RBPJ: variants seen among roughly 807,000 people sequenced by gnomAD.
RBPJ encodes recombining binding protein suppressor of hairless.
RBPJ carries 9 observed loss-of-function variants against 67.8 expected under a neutral mutation model. The observed-to-expected ratio is 0.13, with a 90% CI of 0.08 to 0.23. RBPJ has a LOEUF of 0.23. Among genes scored for constraint, RBPJ ranks in the 10% least tolerant of loss-of-function variants. The probability of loss-of-function intolerance (pLI) is 1.00; values close to 1 mark genes in which losing one functional copy is unlikely to be tolerated. For synonymous variants in RBPJ, 198 were observed against 203.3 expected (o/e 0.97, Z 0.22); for missense variants, 305 against 595.6 (o/e 0.51, Z 5.08).
intron 1 of RBPJ, among the ~76,000 whole-genome samples, chr4:26,260,496 G>C (rs953593063): frequency 6.7e-6 from 1 of 149,972 alleles, no homozygotes; most frequent in African/African-American, 2.5e-5. Context: ...AAAAATTTTA[G>C]TTGACTGAGA....
chr4:26,377,736 T>C (rs1180871182), intron 1 of RBPJ, among the ~76,000 whole-genome samples: 4 of 152,224 alleles, frequency 2.6e-5, no homozygotes, highest in Non-Finnish European at 5.9e-5. Context: ...GTAAATTCTT[T>C]ACTTATCTGC....
the RBPJ span, among the ~76,000 whole-genome samples, chr4:26,126,670 T>C: frequency 1.5e-4 from 23 of 152,230 alleles, no homozygotes; most frequent in Admixed American, 5.9e-4. Flanking sequence ...CATCCCAATA[T>C]ATTCATTTAT....
intron 1 of RBPJ, among the ~76,000 whole-genome samples, chr4:26,305,478 G>A (rs1722203048): frequency 6.6e-6 from 1 of 152,108 alleles, no homozygotes; most frequent in Non-Finnish European, 1.5e-5. Context: ...CATTTATTTA[G>A]ATCCTTTAAC....
intron 1 of RBPJ, among the ~76,000 whole-genome samples, chr4:26,346,779 G>A (rs1327467690): frequency 1.3e-5 from 2 of 152,128 alleles, no homozygotes; most frequent in Non-Finnish European, 2.9e-5. Context: ...ATCACCTGAG[G>A]TCAGGAGTTT....
chr4:26,394,154 G>T (rs1453441426), intron 2 of RBPJ, among the ~76,000 whole-genome samples: 1 of 151,896 alleles, frequency 6.6e-6, no homozygotes, highest in South Asian at 2.1e-4. Context: ...AGCCTCCGGA[G>T]TAGCTGGGAC....
the RBPJ span, among the ~76,000 whole-genome samples, chr4:26,145,966 C>G: frequency 1.3e-5 from 2 of 152,098 alleles, no homozygotes; most frequent in African/African-American, 4.8e-5. Flanking sequence ...GAGACAGGAT[C>G]TCACTCTGCC....
Position 26,430,993 on chromosome 4 carries a change from A to G in RBPJ, c.1450A>G (p.Thr484Ala). 1 of 1,613,780 alleles carries G rather than the reference A, an allele frequency of 6.2e-7. No homozygotes were observed. Among genetic ancestry groups the G allele is most frequent in the Non-Finnish European group, 8.5e-7 (1 of 1,179,896 alleles). Residue 484 changes from threonine (T) to alanine (A), a missense_variant, in exon 11 of 11, where the codon ACA (threonine) becomes GCA (alanine). This residue lies in a region of RBPJ where 51 missense variants were observed against 52.8 expected (regional missense o/e 0.97). Coordinates refer to ENST00000355476, the MANE Select transcript of RBPJ (RefSeq NM_015874.6). The surrounding 1 kb of genome is among the most constrained non-coding windows in gnomAD (Gnocchi z 4.1). Reference protein sequence around the residue: ...NSTSVTSSTATVVS With the variant: ...NSTSVTSSTAAVVS ...AACCAGTGTCACATCATCTACAGCC[A>G]CAGTGGTATCCTAACTACCGTCTTT...
At chr4:26,304,761 A>T (rs909043323) in intron 1 of RBPJ, among the ~76,000 whole-genome samples, 8 of 149,302 alleles carry the variant, frequency 5.4e-5, no homozygotes, top group Non-Finnish European at 1.2e-4. Context: ...CATATATTTG[A>T]TCTACAAATA....
At chr4:26,109,454 C>CTATA in the RBPJ span, among the ~76,000 whole-genome samples, 7 of 21,090 alleles carry the variant, frequency 3.3e-4, no homozygotes, top group Non-Finnish European at 5.2e-4. Flanking sequence ...CTCTCTCTCT[C>CTATA]TCTCTCTATA....
intron 1 of RBPJ, among the ~76,000 whole-genome samples, chr4:26,356,665 A>G (rs550539106): frequency 6.6e-6 from 1 of 152,290 alleles, no homozygotes; most frequent in African/African-American, 2.4e-5. Flanking sequence ...TTTGTGTAGT[A>G]TTCCATATCC....
intron 7 of RBPJ, among the ~76,000 whole-genome samples, chr4:26,426,959 C>G (rs1735734437): frequency 1.3e-5 from 2 of 152,098 alleles, no homozygotes; most frequent in African/African-American, 4.8e-5. Context: ...TGTTAGAAGG[C>G]CACTGGAGGA....
intron 1 of RBPJ, among the ~76,000 whole-genome samples, chr4:26,206,969 G>A (rs1227110878): frequency 2.0e-5 from 3 of 152,010 alleles, no homozygotes; most frequent in African/African-American, 7.3e-5. Flanking sequence ...AGGTAACTAA[G>A]GTCTGCTTTT....
intron 1 of RBPJ, among the ~76,000 whole-genome samples, chr4:26,244,916 G>C (rs1259392404): frequency 1.3e-5 from 2 of 151,904 alleles, no homozygotes; most frequent in Non-Finnish European, 2.9e-5. Context: ...TTACAGGCAT[G>C]AATTTTAATT....
the RBPJ span, among the ~76,000 whole-genome samples, chr4:26,152,013 G>A: frequency 6.6e-6 from 1 of 152,144 alleles, no homozygotes; most frequent in Non-Finnish European, 1.5e-5. Context: ...GGAGCAGAAG[G>A]GGCCCCTAGA....
At chr4:26,265,821 G>A (rs1389016455) in intron 1 of RBPJ, among the ~76,000 whole-genome samples, 1 of 151,916 alleles carries the variant, frequency 6.6e-6, no homozygotes, top group African/African-American at 2.4e-5. Context: ...GGTGGATCAC[G>A]AGGTCAGGAG....
the RBPJ span, among the ~76,000 whole-genome samples, chr4:26,154,037 T>G: frequency 6.6e-6 from 1 of 152,154 alleles, no homozygotes; most frequent in East Asian, 1.9e-4. Context: ...TGCTTGATAT[T>G]CCCCCATTCA....
At chr4:26,374,937 G>A (rs957728076) in intron 1 of RBPJ, among the ~76,000 whole-genome samples, 4 of 152,106 alleles carry the variant, frequency 2.6e-5, no homozygotes, top group Non-Finnish European at 4.4e-5. Context: ...ACCAGTATAT[G>A]AACTTGTGCA....
At position 26,341,880 on chromosome 4, in the gene RBPJ, A is replaced by G. The variant is rs140818907; in HGVS notation, c.20+20832A>G. ...GTTTGTATGTTGTCAATAATGTTTC[A>G]GTAGAAAGGTAAAAATTGAGACAAG... On this transcript the variant is annotated intron_variant, in intron 1 of 10. Coordinates refer to ENST00000355476, the MANE Select transcript of RBPJ (RefSeq NM_015874.6). 5.3e-3 allele frequency among the ~76,000 whole-genome samples: 804 copies of G among 152,318 alleles called. 37 individuals carry two copies. The highest frequency in any genetic ancestry group is 0.05 in the Admixed American group (768 of 15,286).
In RBPJ at chr4:26,432,798, A is replaced by G. The variant is rs1736352414; in HGVS notation, c.*1791A>G. On this transcript the variant is annotated 3_prime_UTR_variant, in exon 11 of 11. Coordinates refer to ENST00000355476, the MANE Select transcript of RBPJ (RefSeq NM_015874.6). ...CTGTAACTTCCTACAGTGTTTCCCT[A>G]CAGAACATTGTCTTTCTGGTGTCCT... The G allele has an allele frequency of 6.6e-6, 1 of 152,192 alleles. No homozygotes were observed. Among genetic ancestry groups the G allele is most frequent in the South Asian group, 2.1e-4 (1 of 4,830 alleles). 9.4% of individuals were successfully genotyped at this position (152,192 alleles called of 1,614,324 possible).
Sources: allele counts gnomAD v4.1 joint callset (sites outside exome capture counted in the v4.1 genomes callset), GRCh38; gene constraint gnomAD v4.1.1; regional missense constraint gnomAD v4.1.1; non-coding constraint Gnocchi (gnomAD v3.1); transcripts MANE v1.5; gene names NCBI Gene and HGNC (gene_info 2026-07-23, HGNC 2026-07-21).